Variants in KCNQ5 observed in about 807,000 individuals in gnomAD.
KCNQ5 encodes the protein potassium voltage-gated channel subfamily KQT member 5.
Under a neutral mutation model 98.2 loss-of-function variants are expected in KCNQ5, and 30 were observed. That is an observed-to-expected ratio of 0.31 (90% CI 0.23 to 0.41). The LOEUF (loss-of-function observed/expected upper bound fraction) is 0.41. KCNQ5 is among the 10% of genes least tolerant of loss of function. The probability of loss-of-function intolerance (pLI) is 1.00; values close to 1 mark genes in which losing one functional copy is unlikely to be tolerated. For missense variants in KCNQ5, 835 were observed against 1,182.5 expected, an observed-to-expected ratio of 0.71 and a Z score of 4.31; for synonymous variants, 458 against 449.4, an observed-to-expected ratio of 1.02 and a Z score of -0.24.
chr6:72,688,503 G>T (rs1289970811), intron 1 of KCNQ5, among the ~76,000 whole-genome samples: 1 of 152,110 alleles, frequency 6.6e-6, no homozygotes, highest in Non-Finnish European at 1.5e-5. Flanking sequence ...TGGCAGAATG[G>T]AGTTCCCGCT....
At chr6:72,932,026 T>C (rs1765715566) in intron 1 of KCNQ5, among the ~76,000 whole-genome samples, 1 of 152,140 alleles carries the variant, frequency 6.6e-6, no homozygotes, top group African/African-American at 2.4e-5. Flanking sequence ...AACACCTGAC[T>C]GCATAGAAAT....
At chr6:73,165,554 C>T (rs1777761606) in intron 10 of KCNQ5, among the ~76,000 whole-genome samples, 1 of 152,190 alleles carries the variant, frequency 6.6e-6, no homozygotes, top group South Asian at 2.1e-4. Flanking sequence ...ATCAAATCTC[C>T]TCTGGATTTG....
intron 1 of KCNQ5, among the ~76,000 whole-genome samples, chr6:72,815,670 C>G (rs1208410678): frequency 6.6e-6 from 1 of 152,088 alleles, no homozygotes. Context: ...CAGATTTAAG[C>G]GTCAGGAAGT....
At position 73,068,992 on chromosome 6, in the gene KCNQ5, CT is replaced by C. The variant is rs1022843185; in HGVS notation, c.617-8323del. Reference sequence around the variant, plus strand: ...CTTACAGAAAATCTTCATCAAATAACTTTTTTTCTCTGCCTTGCCAACATTG... The same window carrying C: ...CTTACAGAAAATCTTCATCAAATAACTTTTTTCTCTGCCTTGCCAACATTG... On this transcript the variant is annotated intron_variant, in intron 3 of 13. Transcript: ENST00000370398. 4.1e-3 allele frequency among the ~76,000 whole-genome samples: 623 copies of C among 152,206 alleles called. 7 individuals carry two copies. The highest frequency in any genetic ancestry group is 0.015 in the African/African-American group (609 of 41,516).
At chr6:72,854,034 G>A (rs1367584927) in intron 1 of KCNQ5, among the ~76,000 whole-genome samples, 1 of 152,136 alleles carries the variant, frequency 6.6e-6, no homozygotes, top group Non-Finnish European at 1.5e-5. Context: ...TCATGCCAGT[G>A]CCCTACTCTG....
chr6:73,034,735 T>C (rs1306319135), intron 2 of KCNQ5, among the ~76,000 whole-genome samples: 1 of 152,150 alleles, frequency 6.6e-6, no homozygotes, highest in Non-Finnish European at 1.5e-5. Flanking sequence ...GTGTGACATA[T>C]GAAGAGGCTT....
chr6:72,669,370 T>C (rs760157784), intron 1 of KCNQ5, among the ~76,000 whole-genome samples: 1 of 152,204 alleles, frequency 6.6e-6, no homozygotes, highest in Non-Finnish European at 1.5e-5. Context: ...TTCCATTCAA[T>C]CTTAAGGTTG....
At chr6:72,968,326 T>C (rs1767716024) in intron 1 of KCNQ5, among the ~76,000 whole-genome samples, 1 of 152,152 alleles carries the variant, frequency 6.6e-6, no homozygotes, top group African/African-American at 2.4e-5. Flanking sequence ...GAGAACCGTG[T>C]GAGACATTTT....
intron 1 of KCNQ5, among the ~76,000 whole-genome samples, chr6:72,732,152 A>G (rs1023750752): frequency 2.6e-5 from 4 of 152,204 alleles, no homozygotes; most frequent in African/African-American, 4.8e-5. Context: ...TGATTAAGAC[A>G]TAGTCCCTGC....
At chr6:73,101,389 A>T (rs937970857) in intron 5 of KCNQ5, among the ~76,000 whole-genome samples, 11 of 152,220 alleles carry the variant, frequency 7.2e-5, no homozygotes, top group African/African-American at 2.4e-4. Flanking sequence ...TCAACATAGT[A>T]CTGAAAGTCC....
intron 1 of KCNQ5, among the ~76,000 whole-genome samples, chr6:72,633,924 GA>G (rs1175097792): frequency 6.6e-6 from 1 of 152,104 alleles, no homozygotes; most frequent in Non-Finnish European, 1.5e-5. Context: ...CCTCAAACTA[GA>G]AAAATCCTAG....
chr6:72,935,958 C>G (rs35581037), intron 1 of KCNQ5, among the ~76,000 whole-genome samples: 2,683 of 152,256 alleles, frequency 0.018, 53 homozygotes, highest in Non-Finnish European at 0.028. Flanking sequence ...GTTTTCTCTT[C>G]CCTCCTAGGA....
intron 1 of KCNQ5, among the ~76,000 whole-genome samples, chr6:72,713,873 G>A (rs140435849): frequency 3.0e-4 from 46 of 152,142 alleles, no homozygotes; most frequent in Admixed American, 5.9e-4. Context: ...GCTTCATCCC[G>A]TATCATTTCC....
At chr6:73,061,729 T>A (rs1038644996) in intron 3 of KCNQ5, among the ~76,000 whole-genome samples, 3 of 152,202 alleles carry the variant, frequency 2.0e-5, no homozygotes, top group Non-Finnish European at 4.4e-5. Flanking sequence ...GAATTTTAGT[T>A]GTAACTTTTC....
chr6:72,903,907 T>C (rs954806091), intron 1 of KCNQ5, among the ~76,000 whole-genome samples: 1 of 152,206 alleles, frequency 6.6e-6, no homozygotes, highest in African/African-American at 2.4e-5. Context: ...CTTGATGACC[T>C]GTCTAGTGCT....
intron 11 of KCNQ5, among the ~76,000 whole-genome samples, chr6:73,180,242 G>A (rs780326696): frequency 2.6e-5 from 4 of 152,148 alleles, no homozygotes; most frequent in Admixed American, 6.5e-5. Context: ...CTCTGCCAGC[G>A]CCCAGCAGTT....
intron 5 of KCNQ5, among the ~76,000 whole-genome samples, chr6:73,084,729 G>A (rs1773912798): frequency 6.6e-6 from 1 of 152,174 alleles, no homozygotes; most frequent in African/African-American, 2.4e-5. Flanking sequence ...TCTGAAACAT[G>A]CTGCTATTCC....
chr6:72,884,204 T>C (rs533970234), intron 1 of KCNQ5, among the ~76,000 whole-genome samples: 1 of 152,330 alleles, frequency 6.6e-6, no homozygotes, highest in South Asian at 2.1e-4. Context: ...AGATACTCCC[T>C]TGTCAATCTA....
rs149597516 is a variant in KCNQ5, at chr6:72,839,120, C to T, written c.399-164788C>T. On this transcript the variant is annotated intron_variant, in intron 1 of 13. Transcript: ENST00000370398. Reference sequence around the variant, plus strand: ...TAATTTTAACTATTTTATGGCCTTTCGAGAGCAGTAGGTTTTAGGTATTTT... The same window carrying T: ...TAATTTTAACTATTTTATGGCCTTTTGAGAGCAGTAGGTTTTAGGTATTTT... Among the ~76,000 whole-genome samples the T allele has an allele frequency of 6.4e-3, 971 of 151,716 alleles. 14 individuals carry two copies. The highest frequency in any genetic ancestry group is 0.021 in the African/African-American group (864 of 41,336).
Sources: allele counts gnomAD v4.1 joint callset (sites outside exome capture counted in the v4.1 genomes callset), GRCh38; gene constraint gnomAD v4.1.1; transcripts MANE v1.5; gene names NCBI Gene and HGNC (gene_info 2026-07-23, HGNC 2026-07-21).